NTN1: variants seen among roughly 807,000 people sequenced by gnomAD.
The protein encoded by NTN1 is netrin-1.
Under a neutral mutation model 54.2 loss-of-function variants are expected in NTN1, and 11 were observed. The observed-to-expected ratio is 0.20, with a 90% CI of 0.13 to 0.34. The LOEUF (loss-of-function observed/expected upper bound fraction) is 0.34. NTN1 is among the 10% of genes least tolerant of loss of function. The pLI, the probability that NTN1 is intolerant of heterozygous loss-of-function variation, is 1.00. For synonymous variants in NTN1, 371 were observed against 382.0 expected (o/e 0.97, Z 0.33); for missense variants, 740 against 893.1 (o/e 0.83, Z 2.18).
In NTN1 at chr17:9,240,068, T is replaced by C. The variant is rs1906147674; in HGVS notation, c.*100T>C. On this transcript the variant is annotated 3_prime_UTR_variant, in exon 7 of 7. Transcript: ENST00000173229. Reference sequence around the variant, plus strand: ...GCCGCGGACTTGGCCCGCGAGGGCTTTCCCAGGTGGGGGGAGGGAGGGGGC... The same window carrying C: ...GCCGCGGACTTGGCCCGCGAGGGCTCTCCCAGGTGGGGGGAGGGAGGGGGC... The C allele has an allele frequency of 5.2e-6, 1 of 193,902 alleles. No homozygotes were observed. The highest frequency in any genetic ancestry group is 2.2e-4 in the East Asian group (1 of 4,606). The allele number at this position is 193,902 out of a possible 1,614,324, so 12.0% of individuals were successfully genotyped here.
chr17:9,037,343 G>A (rs1320286645), intron 2 of NTN1, among the ~76,000 whole-genome samples: 1 of 151,966 alleles, frequency 6.6e-6, no homozygotes, highest in Admixed American at 6.6e-5. Context: ...TGATCCTCTC[G>A]CTTATTTTGT....
chr17:9,200,830 A>G lies in NTN1; in HGVS notation c.1411+17861A>G, dbSNP rs113796286. On this transcript the variant is annotated intron_variant, in intron 5 of 6. Coordinates refer to ENST00000173229, the MANE Select transcript of NTN1 (RefSeq NM_004822.3). ...TGTGTGAGAAAGACACAGAAATAGA[A>G]TATTCTAATTCAGATTGTTAATTGT... 3.9e-3 allele frequency among the ~76,000 whole-genome samples: 588 copies of G among 152,302 alleles called. 1 individual carries two copies. Among genetic ancestry groups the G allele is most frequent in the African/African-American group, 0.014 (574 of 41,564 alleles).
rs1396732145 is a variant in NTN1 at position 9,212,463 on chromosome 17, T to C, written c.1412-8705T>C. Among the ~76,000 whole-genome samples, 1 of 152,210 alleles carries C rather than the reference T, an allele frequency of 6.6e-6. No homozygotes were observed. The highest frequency in any genetic ancestry group is 6.5e-5 in the Admixed American group (1 of 15,284). On this transcript the variant is annotated intron_variant, in intron 5 of 6. Transcript: ENST00000173229. This position sits in a 1 kb window ranked among gnomAD's most constrained non-coding sequence, Gnocchi z 5.5. Reference sequence around the variant, plus strand: ...TTCCATGCAGCTTTCTGGTTCTAGATCAGGCAGCACCAAACATACTTTCTG... The same window carrying C: ...TTCCATGCAGCTTTCTGGTTCTAGACCAGGCAGCACCAAACATACTTTCTG...
At chr17:9,215,268 C>CAA (rs919110107) in intron 5 of NTN1, among the ~76,000 whole-genome samples, 3 of 133,722 alleles carry the variant, frequency 2.2e-5, no homozygotes, top group African/African-American at 8.6e-5. Context: ...CACACACACA[C>CAA]ACACACACAC....
the NTN1 span, among the ~76,000 whole-genome samples, chr17:9,004,279 G>A: frequency 6.6e-6 from 1 of 152,228 alleles, no homozygotes; most frequent in African/African-American, 2.4e-5. Context: ...TGTGAATGGA[G>A]TTCAATGCAC....
At chr17:9,155,815 C>T (rs1020246272) in intron 2 of NTN1, among the ~76,000 whole-genome samples, 1 of 152,180 alleles carries the variant, frequency 6.6e-6, no homozygotes, top group Non-Finnish European at 1.5e-5. Flanking sequence ...GGGAACTGTC[C>T]TGTGCATTGT....
intron 5 of NTN1, among the ~76,000 whole-genome samples, chr17:9,207,729 G>A (rs776945087): frequency 1.3e-5 from 2 of 152,226 alleles, no homozygotes; most frequent in Non-Finnish European, 2.9e-5. Flanking sequence ...AGGAAGAGAT[G>A]TTCTTGTCCA....
intron 2 of NTN1, among the ~76,000 whole-genome samples, chr17:9,110,805 A>G (rs962607746): frequency 3.3e-5 from 5 of 151,560 alleles, no homozygotes; most frequent in African/African-American, 9.7e-5. Context: ...AGCATTCTTT[A>G]CTTGTAGCCG....
chr17:9,042,424 A>G (rs1202762929), intron 2 of NTN1, among the ~76,000 whole-genome samples: 1 of 151,694 alleles, frequency 6.6e-6, no homozygotes, highest in Admixed American at 6.6e-5. Context: ...TTGAGGCTAT[A>G]ATGCGCTATG....
chr17:9,173,718 G>C (rs1011132189), intron 3 of NTN1: 1 of 152,332 alleles, frequency 6.6e-6, no homozygotes, highest in Non-Finnish European at 1.5e-5. Flanking sequence ...AGGACTTGGA[G>C]TCACATGGAG....
chr17:9,228,987 T>G lies in NTN1; in HGVS notation c.1486+7745T>G, dbSNP rs529482452. Among the ~76,000 whole-genome samples the G allele has an allele frequency of 2.6e-5, 4 of 152,024 alleles. No homozygotes were observed. In the East Asian group the frequency reaches 7.7e-4, roughly 29 times the overall value. On this transcript the variant is annotated intron_variant, in intron 6 of 6. Transcript: ENST00000173229. ...GATTGTGTTTACGACTGAGACTGTG[T>G]GTGACTGATTCTGTGACTGTAAGTG...
At chr17:9,171,160 A>G (rs1474742143) in intron 3 of NTN1, 1 of 152,246 alleles carries the variant, frequency 6.6e-6, no homozygotes, top group Non-Finnish European at 1.5e-5. Flanking sequence ...GTTGACACAG[A>G]CAGCTGAAAT....
chr17:9,005,412 C>T, the NTN1 span, among the ~76,000 whole-genome samples: 3 of 151,882 alleles, frequency 2.0e-5, no homozygotes, highest in African/African-American at 2.4e-5. Context: ...GACTTCCAAC[C>T]GCCCCCACCC....
chr17:9,203,235 C>T (rs1904862822), intron 5 of NTN1, among the ~76,000 whole-genome samples: 1 of 152,098 alleles, frequency 6.6e-6, no homozygotes, highest in Non-Finnish European at 1.5e-5. Context: ...TCATAATTTT[C>T]TGCCTCTTCT....
chr17:9,225,395 G>T (rs1045529498), intron 6 of NTN1, among the ~76,000 whole-genome samples: 3 of 152,204 alleles, frequency 2.0e-5, no homozygotes, highest in African/African-American at 7.2e-5. Flanking sequence ...AGCCCTGCGG[G>T]GTGGGGTGGC....
At chr17:9,223,276 G>T (rs1905425975) in intron 6 of NTN1, among the ~76,000 whole-genome samples, 1 of 152,240 alleles carries the variant, frequency 6.6e-6, no homozygotes, top group Admixed American at 6.5e-5. Context: ...TCAGGGCTGG[G>T]TGTGGTGGCT....
intron 5 of NTN1, among the ~76,000 whole-genome samples, chr17:9,207,715 G>A (rs929632261): frequency 1.4e-4 from 22 of 152,192 alleles, no homozygotes; most frequent in Non-Finnish European, 1.2e-4. Flanking sequence ...GTATCCTGGG[G>A]TCCAGGAAGA....
At chr17:9,084,654 T>TC (rs2092084397) in intron 2 of NTN1, among the ~76,000 whole-genome samples, 1 of 141,826 alleles carries the variant, frequency 7.1e-6, no homozygotes, top group African/African-American at 2.6e-5. Context: ...AGTTTTTTTT[T>TC]TTTTTTTTTT....
At chr17:9,222,012 G>A (rs746152964) in intron 6 of NTN1, among the ~76,000 whole-genome samples, 5 of 152,210 alleles carry the variant, frequency 3.3e-5, no homozygotes, top group Admixed American at 6.5e-5. Flanking sequence ...GCATTGTCCA[G>A]CTGACCACTG....
Sources: allele counts gnomAD v4.1 joint callset (sites outside exome capture counted in the v4.1 genomes callset), GRCh38; gene constraint gnomAD v4.1.1; non-coding constraint Gnocchi (gnomAD v3.1); transcripts MANE v1.5; gene names NCBI Gene and HGNC (gene_info 2026-07-23, HGNC 2026-07-21).